Variants in IL21R observed in about 807,000 individuals in gnomAD.
IL21R encodes the protein interleukin 21 receptor, also known as interleukin-21 receptor.
A neutral mutation model predicts 41.3 loss-of-function variants in IL21R; 14 were observed. That is an observed-to-expected ratio of 0.34 (90% CI 0.22 to 0.53). The LOEUF (loss-of-function observed/expected upper bound fraction) is 0.53, where lower values mean the gene tolerates loss of function less well. Ranked by LOEUF, IL21R falls within the 20% of genes least tolerant of loss-of-function variation. The pLI is 0.94. For synonymous variants in IL21R, 286 were observed against 287.6 expected (o/e 0.99, Z 0.05); for missense variants, 588 against 681.6 (o/e 0.86, Z 1.53).
At chr16:27,443,180 C>A in intron 5 of IL21R, 64 bp downstream of exon 5, 13 of 1,345,556 alleles carry the variant, frequency 9.7e-6, no homozygotes, top group African/African-American at 1.5e-5. Flanking sequence ...AGTGCAAAGG[C>A]ATCTGGGTGG....
At chr16:27,407,509 GA>G (rs1017014449) in intron 1 of IL21R, among the ~76,000 whole-genome samples, 3 of 152,106 alleles carry the variant, frequency 2.0e-5, no homozygotes, top group Non-Finnish European at 4.4e-5. Context: ...CCTGATGCAG[GA>G]AAAAAAGATT....
chr16:27,413,295 T>G (rs2086847181), intron 1 of IL21R, among the ~76,000 whole-genome samples: 1 of 152,198 alleles, frequency 6.6e-6, no homozygotes, highest in Non-Finnish European at 1.5e-5. Flanking sequence ...ATCCTTGAAT[T>G]CTGCAGATAA....
intron 4 of IL21R, among the ~76,000 whole-genome samples, chr16:27,440,248 T>TATATATATATATATATATATAG (rs1352160946): frequency 2.0e-4 from 13 of 64,042 alleles, no homozygotes; most frequent in Middle Eastern, 0.01. Flanking sequence ...TATATATATA[T>TATATATATATATATATATATAG]AGAGAGAGAG....
intron 4 of IL21R, among the ~76,000 whole-genome samples, chr16:27,440,248 T>TATATATATATATATATATATAGAGAGAG (rs1352160946): frequency 3.1e-5 from 2 of 64,044 alleles, no homozygotes; most frequent in Admixed American, 1.8e-4. Flanking sequence ...TATATATATA[T>TATATATATATATATATATATAGAGAGAG]AGAGAGAGAG....
At chr16:27,404,243 G>A (rs1317265544) in intron 1 of IL21R, among the ~76,000 whole-genome samples, 2 of 152,158 alleles carry the variant, frequency 1.3e-5, no homozygotes, top group Non-Finnish European at 2.9e-5. Flanking sequence ...GTCCCACAGT[G>A]GAGGTAGCTA....
intron 1 of IL21R, among the ~76,000 whole-genome samples, chr16:27,415,553 G>C (rs1017091883): frequency 1.3e-5 from 2 of 152,212 alleles, no homozygotes; most frequent in Non-Finnish European, 2.9e-5. Flanking sequence ...TATCATGAGA[G>C]TGTTTTGGGG....
At chr16:27,433,371 T>C (rs912367037) in intron 2 of IL21R, among the ~76,000 whole-genome samples, 3 of 151,930 alleles carry the variant, frequency 2.0e-5, no homozygotes, top group African/African-American at 7.3e-5. Flanking sequence ...GAAGTTGAAG[T>C]GGGAGGACTG....
intron 4 of IL21R, 57 bp from the exon 5 acceptor site, chr16:27,442,905 C>A: frequency 6.6e-7 from 1 of 1,513,430 alleles, no homozygotes; most frequent in Non-Finnish European, 9.0e-7. Context: ...TCACCAAATC[C>A]TTTTCACCTG....
chr16:27,435,832 G>A (rs553098564), intron 3 of IL21R, among the ~76,000 whole-genome samples: 62 of 152,136 alleles, frequency 4.1e-4, no homozygotes, highest in African/African-American at 1.4e-3. Context: ...GCGGTGGCAT[G>A]ATCTCGGCTC....
intron 4 of IL21R, among the ~76,000 whole-genome samples, chr16:27,442,507 G>A (rs1162053342): frequency 6.6e-6 from 1 of 152,116 alleles, no homozygotes; most frequent in Non-Finnish European, 1.5e-5. Flanking sequence ...GGGACTACAG[G>A]CGCCCGCCAC....
At chr16:27,442,461 T>C (rs1286552588) in intron 4 of IL21R, among the ~76,000 whole-genome samples, 5 of 152,212 alleles carry the variant, frequency 3.3e-5, no homozygotes, top group African/African-American at 1.2e-4. Context: ...CCTCCCGGGT[T>C]CACGCCATTC....
At chr16:27,431,775 C>T (rs1240017348) in intron 2 of IL21R, among the ~76,000 whole-genome samples, 5 of 152,052 alleles carry the variant, frequency 3.3e-5, no homozygotes, top group Admixed American at 1.3e-4. Flanking sequence ...CTCAGCCTCC[C>T]GAGCAGCTGG....
At chr16:27,420,664 G>T (rs1209473748) in intron 1 of IL21R, among the ~76,000 whole-genome samples, 2 of 152,114 alleles carry the variant, frequency 1.3e-5, no homozygotes, top group East Asian at 3.9e-4. Context: ...TTGCCTTTTA[G>T]ATCTTGAGTT....
Position 27,427,541 on chromosome 16 carries a change from A to G in IL21R, c.-16-2515A>G, listed in dbSNP as rs3093290. Among the ~76,000 whole-genome samples, 430 of 152,254 alleles carry G rather than the reference A, an allele frequency of 2.8e-3. 3 individuals are homozygous for G. Among genetic ancestry groups the G allele is most frequent in the African/African-American group, 9.7e-3 (403 of 41,540 alleles). On this transcript the variant is annotated intron_variant, in intron 1 of 8. Coordinates refer to ENST00000337929, the MANE Select transcript of IL21R (RefSeq NM_181078.3). The stretch of plus-strand genomic sequence containing the variant: ...CTCCCGAATAGCTGGGACCACAGGC[A>G]CACAGCACCCGGCTAACTTATTTTT...
chr16:27,425,382 T>C (rs1304884091), intron 1 of IL21R, among the ~76,000 whole-genome samples: 1 of 152,342 alleles, frequency 6.6e-6, no homozygotes, highest in Admixed American at 6.5e-5. Flanking sequence ...TCTGTGTTTT[T>C]AAGCTGATGT....
chr16:27,437,760 T>TG, intron 4 of IL21R, 73 bp downstream of exon 4: 2 of 1,247,272 alleles, frequency 1.6e-6, no homozygotes, highest in Non-Finnish European at 2.3e-6. Context: ...CTCTCTGGGC[T>TG]CAGGTGATCC....
chr16:27,411,454 CTTTTTTTTT>C (rs59761925), intron 1 of IL21R, among the ~76,000 whole-genome samples: 7 of 58,102 alleles, frequency 1.2e-4, no homozygotes, highest in Admixed American at 4.9e-4. Flanking sequence ...GTCCTTTGTC[CTTTTTTTTT>C]TTTTTTTTTT....
chr16:27,413,512 A>T (rs1184109489), intron 1 of IL21R, among the ~76,000 whole-genome samples: 1 of 150,260 alleles, frequency 6.7e-6, no homozygotes, highest in African/African-American at 2.4e-5. Flanking sequence ...AGTGTTAGGG[A>T]TGAATTGGTG....
At chr16:27,445,056 A>T (rs2087454433) in intron 6 of IL21R, 121 bp from the exon 7 acceptor site, 1 of 697,346 alleles carries the variant, frequency 1.4e-6, no homozygotes, top group Non-Finnish European at 2.6e-6. Context: ...TCAAGACACT[A>T]GCAGTAACAG....
Sources: allele counts gnomAD v4.1 joint callset (sites outside exome capture counted in the v4.1 genomes callset), GRCh38; gene constraint gnomAD v4.1.1; transcripts MANE v1.5; gene names NCBI Gene and HGNC (gene_info 2026-07-23, HGNC 2026-07-21).